Variants in BRD7 observed in about 807,000 individuals in gnomAD.
BRD7 encodes the protein bromodomain containing 7, also known as bromodomain-containing protein 7.
Under a neutral mutation model 82.1 loss-of-function variants are expected in BRD7, and 15 were observed. The ratio of observed to expected loss-of-function variants is 0.18; its 90% CI spans 0.12 to 0.28. BRD7 has a LOEUF of 0.28. Among genes scored for constraint, BRD7 ranks in the 10% least tolerant of loss-of-function variants. The pLI is 1.00. For missense variants in BRD7, 638 were observed against 779.9 expected, an observed-to-expected ratio of 0.82 and a Z score of 2.17; for synonymous variants, 232 against 266.9, an observed-to-expected ratio of 0.87 and a Z score of 1.27.
chr16:50,339,361 C>T (rs4494538), intron 6 of BRD7, among the ~76,000 whole-genome samples: 38,563 of 152,146 alleles, frequency 0.25, 5,883 homozygotes, highest in African/African-American at 0.42. Flanking sequence ...TATAGCCTAT[C>T]AGACACCTGG....
intron 9 of BRD7, among the ~76,000 whole-genome samples, chr16:50,328,130 T>C (rs943256115): frequency 6.6e-6 from 1 of 152,234 alleles, no homozygotes; most frequent in African/African-American, 2.4e-5. Context: ...ACCTATATGA[T>C]TTCCATTAAA....
chr16:50,331,475 G>A (rs2037562939), intron 8 of BRD7, among the ~76,000 whole-genome samples: 1 of 152,234 alleles, frequency 6.6e-6, no homozygotes, highest in Non-Finnish European at 1.5e-5. Context: ...GCTGAGTTGG[G>A]TGGATTGCTT....
At chr16:50,348,974 C>G (rs906500321) in intron 5 of BRD7, 6 of 152,478 alleles carry the variant, frequency 3.9e-5, no homozygotes, top group African/African-American at 1.4e-4. Context: ...TATTGTGGCA[C>G]TATTCACAAT....
intron 8 of BRD7, among the ~76,000 whole-genome samples, chr16:50,330,700 A>G (rs12325011): frequency 0.18 from 27,424 of 152,132 alleles, 2,955 homozygotes; most frequent in Admixed American, 0.26. Flanking sequence ...CTGACCAAAG[A>G]AAAGTAAGTG....
At chr16:50,342,455 C>CTTTTTTTT (rs34093559) in intron 5 of BRD7, among the ~76,000 whole-genome samples, 16 of 102,924 alleles carry the variant, frequency 1.6e-4, no homozygotes, top group South Asian at 3.6e-4. Flanking sequence ...AAGACACTGT[C>CTTTTTTTT]TTTTTTTTTT....
chr16:50,347,492 A>C (rs1419174849), intron 5 of BRD7, among the ~76,000 whole-genome samples: 1 of 152,188 alleles, frequency 6.6e-6, no homozygotes, highest in African/African-American at 2.4e-5. Context: ...AGATGACATG[A>C]TTGTATATTT....
chr16:50,332,305 A>T (rs994274404), intron 8 of BRD7, among the ~76,000 whole-genome samples: 22 of 152,214 alleles, frequency 1.4e-4, no homozygotes, highest in African/African-American at 4.1e-4. Context: ...ACTTAAATCA[A>T]CAAGAAACAA....
At chr16:50,329,082 G>T (rs1597035810) in intron 8 of BRD7, among the ~76,000 whole-genome samples, 1 of 152,122 alleles carries the variant, frequency 6.6e-6, no homozygotes, top group Non-Finnish European at 1.5e-5. Flanking sequence ...CGAATTTCTG[G>T]ATTAGGGATG....
At chr16:50,366,255 A>G (rs965457955) in intron 2 of BRD7, among the ~76,000 whole-genome samples, 1 of 152,204 alleles carries the variant, frequency 6.6e-6, no homozygotes, top group African/African-American at 2.4e-5. Flanking sequence ...AGTCCACCAG[A>G]ACAAGGGAAT....
intron 9 of BRD7, among the ~76,000 whole-genome samples, chr16:50,327,144 T>C (rs2037373502): frequency 6.6e-6 from 1 of 152,206 alleles, no homozygotes; most frequent in African/African-American, 2.4e-5. Flanking sequence ...TTTGGTTTCC[T>C]AATAGGTACG....
Position 50,361,622 on chromosome 16 carries a change from A to T in BRD7, c.258+6468T>A, listed in dbSNP as rs561343791. Among the ~76,000 whole-genome samples the T allele has an allele frequency of 3.9e-5, 6 of 152,314 alleles. No individual in the cohort carries two copies. The East Asian group carries it at 1.2e-3, about 29-fold the overall frequency. ...CATTCAATATTTGTTAGATACTGTT[A>T]CCAGATTTATGTTACTAACACTCAG... On this transcript the variant is annotated intron_variant, in intron 2 of 16. Transcript: ENST00000394688.
chr16:50,331,636 A>G (rs2037570156), intron 8 of BRD7, among the ~76,000 whole-genome samples: 1 of 152,254 alleles, frequency 6.6e-6, no homozygotes, highest in Non-Finnish European at 1.5e-5. Context: ...CCCAAGGTGG[A>G]GGCTGTAGTG....
At chr16:50,366,235 T>G (rs1343040895) in intron 2 of BRD7, among the ~76,000 whole-genome samples, 2 of 152,158 alleles carry the variant, frequency 1.3e-5, no homozygotes, top group Non-Finnish European at 2.9e-5. Context: ...AGGACGTTCC[T>G]AGAGTTAAGA....
Position 50,368,294 on chromosome 16 carries a change from A to G in BRD7, c.54T>C (p.Tyr18=). 6.2e-7 allele frequency: 1 copy of G among 1,612,480 alleles called. No homozygotes were observed. Residue 18 remains tyrosine, a synonymous_variant, in exon 2 of 17, where the codon TAT becomes TAC. Transcript: ENST00000394688. ...GGACCAGCTTCAAGGGCTTCTCTAC[A>G]TACTCTTAAAAAAAGAAAAGAAAAG... ...HKSDKHLYEE[Y]VEKPLKLVLK...
chr16:50,352,201 A>G, intron 4 of BRD7, among the ~76,000 whole-genome samples: 1 of 152,216 alleles, frequency 6.6e-6, no homozygotes, highest in South Asian at 2.1e-4. Flanking sequence ...TCAGATGGGT[A>G]ATGTGCTGAT....
rs575319458 is a variant in BRD7 at position 50,355,527 on chromosome 16, G to A, written c.259-605C>T. ...CACACAGACAAATAAGCCAACAGAA[G>A]AGATCAGAGCCCAGAAACAGACCCA... On this transcript the variant is annotated intron_variant, in intron 2 of 16. Transcript: ENST00000394688. Among the ~76,000 whole-genome samples the A allele has an allele frequency of 2.6e-5, 4 of 152,298 alleles. No individual in the cohort carries two copies. The East Asian group carries it at 7.7e-4, about 29-fold the overall frequency.
chr16:50,355,083 T>C (rs920392178), intron 2 of BRD7, among the ~76,000 whole-genome samples, 161 bp from the exon 3 acceptor site: 4 of 152,104 alleles, frequency 2.6e-5, no homozygotes, highest in Non-Finnish European at 5.9e-5. Context: ...GAGAGAATAA[T>C]ACGTTCACGA....
At chr16:50,341,928 T>TCACACA (rs375793137) in intron 5 of BRD7, among the ~76,000 whole-genome samples, 14,771 of 143,452 alleles carry the variant, frequency 0.1, 835 homozygotes, top group African/African-American at 0.13. Context: ...TGCACACTTT[T>TCACACA]CACACACACA....
intron 5 of BRD7, among the ~76,000 whole-genome samples, chr16:50,345,324 G>A: frequency 6.6e-6 from 1 of 152,196 alleles, no homozygotes; most frequent in East Asian, 1.9e-4. Context: ...AGGCCAAATT[G>A]TAAAGACCAT....
Sources: gnomAD v4.1 joint callset for allele counts (sites outside exome capture counted in the v4.1 genomes callset) on GRCh38, gnomAD v4.1.1 for gene constraint, MANE v1.5 for transcripts, NCBI Gene and HGNC (gene_info 2026-07-23, HGNC 2026-07-21) for gene names.